Variants in CCDC57 observed in about 807,000 individuals in gnomAD.
The protein encoded by CCDC57 is coiled-coil domain-containing protein 57.
In CCDC57, 118 loss-of-function variants were observed where a neutral mutation model predicts 118.9. The ratio of observed to expected loss-of-function variants is 0.99; its 90% CI spans 0.86 to 1.16. The LOEUF is 1.16. CCDC57 is among the 50% of genes most tolerant of loss of function. The pLI, the probability that CCDC57 is intolerant of heterozygous loss-of-function variation, is 0.00. For missense variants in CCDC57, 1,300 were observed against 1,320.7 expected (o/e 0.98, Z 0.24); for synonymous variants, 527 against 532.9 (o/e 0.99, Z 0.15).
chr17:82,195,390 A>C (rs2048175221), intron 4 of CCDC57, 26 bp from the exon 4 acceptor site: 1 of 1,554,818 alleles, frequency 6.4e-7, no homozygotes. Context: ...TTCATGATGA[A>C]AGAACAGTGG....
At chr17:82,103,096 G>C (rs986144176) in intron 19 of CCDC57, among the ~76,000 whole-genome samples, 2 of 152,108 alleles carry the variant, frequency 1.3e-5, no homozygotes, top group African/African-American at 4.8e-5. Flanking sequence ...GTGCAGCCTG[G>C]GTGACTGGGA....
rs756488362 is a variant in CCDC57, at chr17:82,201,520, C to A, written c.407+18G>T. The A allele has an allele frequency of 3.6e-5, 57 of 1,572,738 alleles. No homozygotes were observed. Among genetic ancestry groups the A allele is most frequent in the Non-Finnish European group, 4.8e-5 (56 of 1,164,164 alleles). On this transcript the variant is annotated intron_variant, in intron 3 of 19. Transcript: ENST00000665763. ...CTGCCAGGCACTGCACAGGAGGGCG[C>A]GTCGGTCGGTGGCTCACCTGTGGAC... is the stretch of plus-strand genomic sequence containing the variant.
intron 16 of CCDC57, among the ~76,000 whole-genome samples, chr17:82,144,490 C>G (rs1238438655): frequency 6.6e-6 from 1 of 152,136 alleles, no homozygotes. Context: ...TTTTCTCTTT[C>G]CTAGAAAAGA....
At chr17:82,139,332 C>T (rs971116868) in intron 16 of CCDC57, among the ~76,000 whole-genome samples, 1 of 136,268 alleles carries the variant, frequency 7.3e-6, no homozygotes, top group African/African-American at 2.7e-5. Context: ...CATGTGCAGT[C>T]TTTTGTCATC....
intron 5 of CCDC57, among the ~76,000 whole-genome samples, chr17:82,194,813 T>G (rs1305699580): frequency 1.3e-5 from 2 of 152,256 alleles, no homozygotes; most frequent in African/African-American, 4.8e-5. Context: ...GCGTCCCAGC[T>G]GCACACTGAG....
At chr17:82,186,428 C>T (rs149333926) in intron 8 of CCDC57, among the ~76,000 whole-genome samples, 1 of 152,272 alleles carries the variant, frequency 6.6e-6, no homozygotes, top group African/African-American at 2.4e-5. Context: ...CCTGCGGCCC[C>T]TCTCACCCCG....
intron 13 of CCDC57, among the ~76,000 whole-genome samples, chr17:82,166,581 T>C (rs534548401): frequency 1.3e-5 from 2 of 152,082 alleles, no homozygotes; most frequent in South Asian, 4.1e-4. Context: ...CTAAAACTTA[T>C]GGCAAAATGA....
At chr17:82,210,054 A>C (rs1055266235) in intron 1 of CCDC57, among the ~76,000 whole-genome samples, 5 of 152,178 alleles carry the variant, frequency 3.3e-5, no homozygotes, top group Admixed American at 3.3e-4. Flanking sequence ...CCAGAAAGAA[A>C]GAAAATGCTC....
exon 20 of CCDC57, chr17:82,101,672 G>T: frequency 6.3e-7 from 1 of 1,593,214 alleles, no homozygotes; most frequent in Non-Finnish European, 8.5e-7. Flanking sequence ...GGCGGGGTGG[G>T]GGGAGGAAGT....
In CCDC57 at chr17:82,128,715, C is replaced by T. The variant is rs2037858289; in HGVS notation, c.2578-118G>A. 5 of 821,858 alleles carry T rather than the reference C, an allele frequency of 6.1e-6. No homozygotes were observed. The South Asian group carries it at 8.3e-5, about 14-fold the overall frequency. The allele number at this position is 821,858 out of a possible 1,614,324, so 50.9% of individuals were successfully genotyped here. A position where few individuals can be genotyped will look rare whatever the true frequency, so the allele number is the denominator to read the frequency against. The stretch of plus-strand genomic sequence containing the variant: ...CTTCCCACATTTCTGGTATTAAAGA[C>T]TCACACCATTTGGTGACAGCCCGGA... On this transcript the variant is annotated intron_variant, in intron 17 of 19. Transcript: ENST00000665763.
At chr17:82,173,928 A>G (rs936920904) in intron 11 of CCDC57, among the ~76,000 whole-genome samples, 4 of 152,096 alleles carry the variant, frequency 2.6e-5, no homozygotes, top group Non-Finnish European at 5.9e-5. Context: ...ACCAGGAGGG[A>G]CTCACTGCCA....
chr17:82,151,388 G>A (rs1431153173), intron 16 of CCDC57, among the ~76,000 whole-genome samples, 172 bp downstream of exon 15: 2 of 150,014 alleles, frequency 1.3e-5, no homozygotes, highest in East Asian at 4.0e-4. Context: ...CACACACCCA[G>A]AACCTGACCC....
intron 7 of CCDC57, among the ~76,000 whole-genome samples, chr17:82,190,919 G>T (rs954720857): frequency 1.3e-5 from 2 of 151,316 alleles, no homozygotes; most frequent in Non-Finnish European, 2.9e-5. Context: ...CCAGAAAGAA[G>T]AACATCCTGA....
At chr17:82,161,906 G>T (rs929588949) in intron 14 of CCDC57, among the ~76,000 whole-genome samples, 1 of 151,976 alleles carries the variant, frequency 6.6e-6, no homozygotes, top group Admixed American at 6.5e-5. Context: ...ATGTTTATAC[G>T]ACATTGTGAA....
At chr17:82,165,314 T>C (rs1273424572) in intron 13 of CCDC57, among the ~76,000 whole-genome samples, 1 of 152,118 alleles carries the variant, frequency 6.6e-6, no homozygotes, top group African/African-American at 2.4e-5. Flanking sequence ...TAATCTCAGC[T>C]AAAGGCCCAG....
At chr17:82,134,153 G>A (rs940972961) in exon 17 of CCDC57, 11 of 1,366,442 alleles carry the variant, frequency 8.1e-6, no homozygotes, top group Admixed American at 3.7e-5. Context: ...CCTGGCTTCC[G>A]GGCCTCAGGG....
In CCDC57 at chr17:82,119,728, G is replaced by C. The variant is rs553740637; in HGVS notation, c.2899+7964C>G. On this transcript the variant is annotated intron_variant, in intron 19 of 19. Coordinates refer to ENST00000665763, the Ensembl canonical transcript of CCDC57. Reference sequence around the variant, plus strand: ...CACAGGTGCAGACAGGCTGGAGCTGGAGTGCAGGTAGCTGGGGGAAGAAGG... The same window carrying C: ...CACAGGTGCAGACAGGCTGGAGCTGCAGTGCAGGTAGCTGGGGGAAGAAGG... Among the ~76,000 whole-genome samples the C allele has an allele frequency of 3.3e-4, 50 of 152,128 alleles. 1 individual carries two copies. Among genetic ancestry groups the C allele is most frequent in the Non-Finnish European group, 4.0e-4 (27 of 67,982 alleles).
intron 19 of CCDC57, among the ~76,000 whole-genome samples, chr17:82,102,355 C>T (rs191286306): frequency 1.3e-4 from 20 of 152,350 alleles, no homozygotes; most frequent in East Asian, 3.9e-4. Context: ...AAGGAAAGGC[C>T]GTGCTGGTGG....
chr17:82,168,410 C>T (rs1405639049), intron 13 of CCDC57, among the ~76,000 whole-genome samples: 2 of 152,192 alleles, frequency 1.3e-5, no homozygotes, highest in African/African-American at 4.8e-5. Flanking sequence ...GCCTGGCCAA[C>T]ATGGTGAAAC....
Sources: allele counts gnomAD v4.1 joint callset (sites outside exome capture counted in the v4.1 genomes callset), GRCh38; gene constraint gnomAD v4.1.1; transcripts MANE v1.5; gene names NCBI Gene and HGNC (gene_info 2026-07-23, HGNC 2026-07-21).